Variants in SERTM1 observed in about 807,000 individuals in gnomAD.
SERTM1 encodes the protein serine rich and transmembrane domain containing 1.
In SERTM1, 1 loss-of-function variant was observed where a neutral mutation model predicts 5.5. The observed-to-expected ratio is 0.18, with a 90% CI of 0.06 to 0.86. SERTM1 has a LOEUF of 0.86. Among genes scored for constraint, SERTM1 ranks in the 40% least tolerant of loss-of-function variants. The pLI is 0.69. For missense variants in SERTM1, 91 were observed against 122.4 expected (o/e 0.74, Z 1.21); for synonymous variants, 52 against 55.1 (o/e 0.94, Z 0.25).
chr13:36,681,043 G>A (rs1237402349), intron 1 of SERTM1, among the ~76,000 whole-genome samples: 1 of 152,168 alleles, frequency 6.6e-6, no homozygotes, highest in Non-Finnish European at 1.5e-5. Flanking sequence ...CTAAGAAGCT[G>A]AGGTTTTTGG....
intron 1 of SERTM1, among the ~76,000 whole-genome samples, chr13:36,692,558 T>C (rs2056785977): frequency 6.6e-6 from 1 of 152,232 alleles, no homozygotes. Flanking sequence ...TCCTCTAGAC[T>C]TTCTAGAAGG....
chr13:36,684,541 G>A (rs112935292), intron 1 of SERTM1, among the ~76,000 whole-genome samples: 132 of 152,000 alleles, frequency 8.7e-4, no homozygotes, highest in African/African-American at 3.1e-3. Flanking sequence ...TCCTGGGTTT[G>A]CCTTCCTCTG....
At chr13:36,678,701 T>C (rs1442120100) in intron 1 of SERTM1, among the ~76,000 whole-genome samples, 1 of 120,886 alleles carries the variant, frequency 8.3e-6, no homozygotes, top group East Asian at 2.1e-4. Flanking sequence ...ATATAAAATA[T>C]AGTCCTTTTT....
chr13:36,686,908 A>G (rs1465279761), intron 1 of SERTM1, among the ~76,000 whole-genome samples: 6 of 152,210 alleles, frequency 3.9e-5, no homozygotes, highest in African/African-American at 1.2e-4. Flanking sequence ...AGAATATAAT[A>G]TGGCCAAAAC....
intron 1 of SERTM1, among the ~76,000 whole-genome samples, chr13:36,685,496 G>A (rs2056734659): frequency 6.7e-6 from 1 of 150,032 alleles, no homozygotes; most frequent in African/African-American, 2.5e-5. Flanking sequence ...GTCCCTACCT[G>A]TATCCTCAGT....
Position 36,695,734 on chromosome 13 carries a change from T to C in SERTM1, c.*332T>C, listed in dbSNP as rs2056809442. The C allele has an allele frequency of 1.1e-5, 3 of 270,374 alleles. No individual in the cohort carries two copies. The East Asian group carries it at 2.5e-4, about 23-fold the overall frequency. The allele number at this position is 270,374 out of a possible 1,614,324, so 16.7% of individuals were successfully genotyped here. On this transcript the variant is annotated 3_prime_UTR_variant, in exon 2 of 2. Transcript: ENST00000315190. ...GTGGCCTCTCCGTGGATGCTGGACA[T>C]GGACTCGCACTTCATTTCTTTTACA...
chr13:36,680,135 G>A (rs1442891266), intron 1 of SERTM1, among the ~76,000 whole-genome samples: 1 of 152,278 alleles, frequency 6.6e-6, no homozygotes. Flanking sequence ...AGGGATAAGG[G>A]ATACTCAATC....
rs551131755 is a variant in SERTM1, at chr13:36,690,514, ATCT to A, written c.-173-4388_-173-4386del. 1.1e-4 allele frequency among the ~76,000 whole-genome samples: 16 copies of A among 152,352 alleles called. No homozygotes were observed. In the South Asian group the frequency reaches 3.3e-3, roughly 32 times the overall value. On this transcript the variant is annotated intron_variant, in intron 1 of 1. Coordinates refer to ENST00000315190, the MANE Select transcript of SERTM1 (RefSeq NM_203451.3). ...TGGGAAGTGTGTATTGTCAGCAGTA[ATCT>A]TCTCTCAGCTAGCATGACCTAAAAG...
At chr13:36,688,444 C>A (rs933909787) in intron 1 of SERTM1, among the ~76,000 whole-genome samples, 2 of 152,122 alleles carry the variant, frequency 1.3e-5, no homozygotes, top group Admixed American at 1.3e-4. Context: ...AACTCCTGGG[C>A]TCAAGCGATC....
rs769303280 is a variant in SERTM1, at chr13:36,695,235, G to A, written c.157G>A (p.Ala53Thr). 2 of 1,614,168 alleles carry A rather than the reference G, an allele frequency of 1.2e-6. No individual in the cohort carries two copies. Among genetic ancestry groups the A allele is most frequent in the South Asian group, 2.2e-5 (2 of 91,086 alleles). Residue 53 changes from alanine to threonine, a missense_variant, in exon 2 of 2, where the codon GCG (alanine) becomes ACG (threonine). Ala to Thr is a moderately conservative substitution (Grantham distance 58). Coordinates refer to ENST00000315190, the MANE Select transcript of SERTM1 (RefSeq NM_203451.3). ...TGTGTCCATATTCCTCAGCCTTTTA[G>A]CGTTTCTGCTTCTGCTTTTAATCAT... ...IYVSIFLSLLAFLLLLLIIAL... is the reference protein window; with the variant it reads ...IYVSIFLSLLTFLLLLLIIAL...
Position 36,695,342 on chromosome 13 carries a change from C to T in SERTM1, c.264C>T (p.Thr88=), listed in dbSNP as rs1191755309. 1 of 1,614,156 alleles carries T rather than the reference C, an allele frequency of 6.2e-7. No homozygotes were observed. Among genetic ancestry groups the T allele is most frequent in the Non-Finnish European group, 8.5e-7 (1 of 1,180,022 alleles). ...CAAGCGACGCTGGAAGTTCTTTCAC[C>T]AATTTGGAAGTCTGCAGCATTTCCT... ...EYPSDAGSSF[T]NLEVCSISSQ... Residue 88 remains threonine, a synonymous_variant, in exon 2 of 2, where the codon ACC becomes ACT. Coordinates refer to ENST00000315190, the MANE Select transcript of SERTM1 (RefSeq NM_203451.3).
At chr13:36,678,361 T>C (rs2056682275) in intron 1 of SERTM1, among the ~76,000 whole-genome samples, 1 of 152,130 alleles carries the variant, frequency 6.6e-6, no homozygotes, top group Admixed American at 6.5e-5. Flanking sequence ...GTAGCAGTAG[T>C]AGTTGTTGTT....
intron 1 of SERTM1, among the ~76,000 whole-genome samples, chr13:36,679,545 T>A (rs754559415): frequency 1.2e-4 from 18 of 152,082 alleles, no homozygotes; most frequent in Non-Finnish European, 2.5e-4. Context: ...GTAGCTGGGA[T>A]CACAGGTGCC....
intron 1 of SERTM1, among the ~76,000 whole-genome samples, chr13:36,677,312 A>G (rs1274048514): frequency 6.6e-6 from 1 of 152,224 alleles, no homozygotes; most frequent in East Asian, 1.9e-4. Flanking sequence ...AGCGTAATCC[A>G]GCCAAAACAG....
chr13:36,688,326 A>G (rs1283744714), intron 1 of SERTM1, among the ~76,000 whole-genome samples: 1 of 151,636 alleles, frequency 6.6e-6, no homozygotes, highest in Non-Finnish European at 1.5e-5. Flanking sequence ...CAATGCTCCC[A>G]CCTCAGCCTC....
chr13:36,685,788 C>A (rs2056737090), intron 1 of SERTM1, among the ~76,000 whole-genome samples: 1 of 152,174 alleles, frequency 6.6e-6, no homozygotes, highest in Admixed American at 6.5e-5. Context: ...GAACTTGCTA[C>A]TTGCAGCCTC....
intron 1 of SERTM1, among the ~76,000 whole-genome samples, chr13:36,681,315 G>T (rs2056703558): frequency 1.3e-5 from 2 of 152,132 alleles, no homozygotes; most frequent in South Asian, 4.2e-4. Flanking sequence ...TGTATTTATT[G>T]CAGTTTCCTC....
In SERTM1 at chr13:36,691,489, G is replaced by T. The variant is rs376196993; in HGVS notation, c.-173-3417G>T. On this transcript the variant is annotated intron_variant, in intron 1 of 1. Transcript: ENST00000315190. ...TTTTGTAGATTTCTTCCCAGCCCAG[G>T]CTTTTATTACAAGAGACAAAGGGAA... is the stretch of plus-strand genomic sequence containing the variant. Among the ~76,000 whole-genome samples, 4 of 152,194 alleles carry T rather than the reference G, an allele frequency of 2.6e-5. No homozygotes were observed. In the South Asian group the frequency reaches 6.2e-4, roughly 24 times the overall value.
chr13:36,678,696 A>ATATATATATATATATATATATATATAT (rs1566226327), intron 1 of SERTM1, among the ~76,000 whole-genome samples: 8 of 118,620 alleles, frequency 6.7e-5, no homozygotes, highest in African/African-American at 2.2e-4. Flanking sequence ...TATATATATA[A>ATATATATATATATATATATATATATAT]AATATAGTCC....
Sources: allele counts gnomAD v4.1 joint callset (sites outside exome capture counted in the v4.1 genomes callset), GRCh38; gene constraint gnomAD v4.1.1; transcripts MANE v1.5; gene names NCBI Gene and HGNC (gene_info 2026-07-23, HGNC 2026-07-21).